Variants in NPHP1 observed in about 807,000 individuals in gnomAD.
The protein encoded by NPHP1 is nephrocystin-1.
A neutral mutation model predicts 90.4 loss-of-function variants in NPHP1; 70 were observed. The ratio of observed to expected loss-of-function variants is 0.77; its 90% CI spans 0.64 to 0.95. The LOEUF is 0.95. Among genes scored for constraint, NPHP1 ranks in the 40% least tolerant of loss-of-function variants. The pLI is 0.00. For synonymous variants in NPHP1, 256 were observed against 271.7 expected (o/e 0.94, Z 0.57); for missense variants, 764 against 795.9 (o/e 0.96, Z 0.48).
chr2:110,161,451 C>A, intron 10 of NPHP1, 152 bp downstream of exon 10: 1 of 583,650 alleles, frequency 1.7e-6, no homozygotes. Context: ...CAAATTCTGC[C>A]TTAGTTATAA....
chr2:110,194,981 G>T (rs1685050448), intron 2 of NPHP1, among the ~76,000 whole-genome samples: 1 of 152,166 alleles, frequency 6.6e-6, no homozygotes, highest in African/African-American at 2.4e-5. Context: ...AAACTCTCAA[G>T]AAATTAGGTA....
chr2:110,161,522 CAATT>C (rs1365946595), intron 10 of NPHP1, 77 bp downstream of exon 10: 5 of 904,368 alleles, frequency 5.5e-6, no homozygotes, highest in Non-Finnish European at 7.1e-6. Flanking sequence ...ATTCATTAGT[CAATT>C]AACATGTTGT....
intron 11 of NPHP1, among the ~76,000 whole-genome samples, chr2:110,154,481 CAGA>C (rs1388250597): frequency 6.6e-6 from 1 of 152,064 alleles, no homozygotes; most frequent in African/African-American, 2.4e-5. Flanking sequence ...TTGGAGGGCT[CAGA>C]AGAAGATAGG....
chr2:110,163,615 T>A (rs1402467208), intron 8 of NPHP1: 5 of 163,090 alleles, frequency 3.1e-5, no homozygotes, highest in African/African-American at 1.2e-4. Flanking sequence ...TTGTTAATGG[T>A]GATTACTTAT....
chr2:110,141,252 T>C (rs1024761012), intron 16 of NPHP1, among the ~76,000 whole-genome samples: 1 of 152,216 alleles, frequency 6.6e-6, no homozygotes, highest in African/African-American at 2.4e-5. Flanking sequence ...TTTATCTATA[T>C]ATAAGATAAT....
chr2:110,133,926 A>T (rs1186426121), intron 16 of NPHP1, among the ~76,000 whole-genome samples: 1 of 152,074 alleles, frequency 6.6e-6, no homozygotes, highest in Non-Finnish European at 1.5e-5. Context: ...ATTAAAAAAG[A>T]AGGAAGAGCT....
At chr2:110,169,294 T>C (rs1180477728) in intron 5 of NPHP1, among the ~76,000 whole-genome samples, 4 of 152,150 alleles carry the variant, frequency 2.6e-5, no homozygotes, top group Non-Finnish European at 4.4e-5. Context: ...AATTCATATA[T>C]TCACTTAAAT....
chr2:110,201,584 A>G lies in NPHP1; in HGVS notation c.70-90T>C. On this transcript the variant is annotated intron_variant, in intron 1 of 19. Transcript: ENST00000445609. ...TTTTTTATCCAATATTTTATAATGA[A>G]CACTTTTAAACATACAACAAAGTTT... The G allele has an allele frequency of 3.4e-6, 3 of 873,656 alleles. No individual in the cohort carries two copies. The South Asian group carries it at 4.6e-5, about 13-fold the overall frequency. 54.1% of individuals were successfully genotyped at this position (873,656 alleles called of 1,614,324 possible).
intron 6 of NPHP1, among the ~76,000 whole-genome samples, chr2:110,167,024 T>C (rs375361881): frequency 6.6e-6 from 1 of 152,178 alleles, no homozygotes. Context: ...AATATTGATA[T>C]GTCAAAATAG....
chr2:110,160,236 C>T lies in NPHP1; in HGVS notation c.974G>A (p.Arg325His), dbSNP rs779098996. The T allele has an allele frequency of 1.1e-5, 17 of 1,610,540 alleles. No homozygotes were observed. Among genetic ancestry groups the T allele is most frequent in the East Asian group, 8.9e-5 (4 of 44,782 alleles). The change falls in exon 11 of 20, where the codon CGT becomes CAT. Residue 325 changes from arginine (R) to histidine (H), a missense_variant. Coordinates refer to ENST00000445609, the MANE Select transcript of NPHP1 (RefSeq NM_001128178.3). ...CCATAATGTCAGAATCAATGAAATA[C>T]GACTTGGTCTCGACCTAATCTGAAA... ...TEGTIRSRPS[R>H]ISLILTLWSC...
Position 110,123,867 on chromosome 2 carries a change from T to C in NPHP1, c.1958A>G (p.Asp653Gly), listed in dbSNP as rs1679153024. The C allele has an allele frequency of 6.2e-7, 1 of 1,613,976 alleles. No individual in the cohort carries two copies. The highest frequency in any genetic ancestry group is 1.3e-5 in the African/African-American group (1 of 74,922). The change falls in exon 20 of 20, where the codon GAC becomes GGC. Residue 653 changes from aspartate (D) to glycine (G), a missense_variant. By Grantham distance (94) the Asp-to-Gly change is moderately conservative. Transcript: ENST00000445609. ...QGALQALLSP[D>G]GVHEPFDLSE... ...AAGGTCAAAAGGTTCATGAACTCCG[T>C]CTGGTGACAGCAGAGCTTGGAGGGC... is the stretch of plus-strand genomic sequence containing the variant.
At chr2:110,125,225 T>A in intron 19 of NPHP1, 1 of 1,535,336 alleles carries the variant, frequency 6.5e-7, no homozygotes, top group Non-Finnish European at 8.7e-7. Context: ...TTACCATGAT[T>A]TTATAGCAAG....
chr2:110,150,190 A>C lies in NPHP1; in HGVS notation c.1150T>G (p.Ser384Ala). Reference protein sequence around the residue: ...QPKKPKTWTFSPQVTRILPCL... With the variant: ...QPKKPKTWTFAPQVTRILPCL... ...TTCAGCAGATTACTTACCTGGGGAG[A>C]AAAGGTCCATGTTTTGGGCTTTTTA... Residue 384 changes from serine (S) to alanine (A), a missense_variant, in exon 12 of 20, where the codon TCT becomes GCT. Physicochemically the swap from Ser to Ala is moderately conservative, Grantham distance 99. Coordinates refer to ENST00000445609, the MANE Select transcript of NPHP1 (RefSeq NM_001128178.3). The C allele has an allele frequency of 6.2e-7, 1 of 1,613,016 alleles. No homozygotes were observed. The highest frequency in any genetic ancestry group is 1.1e-5 in the South Asian group (1 of 91,062).
chr2:110,164,507 T>C, intron 8 of NPHP1, 181 bp downstream of exon 8: 1 of 1,206,288 alleles, frequency 8.3e-7, no homozygotes, highest in East Asian at 2.3e-5. Flanking sequence ...AAAAAACTAA[T>C]GAGAAATGTT....
Position 110,178,697 on chromosome 2 carries a change from A to C in NPHP1, c.205-150T>G, listed in dbSNP as rs930840677. The C allele has an allele frequency of 2.1e-5, 14 of 662,318 alleles. No individual in the cohort carries two copies. The East Asian group carries it at 3.9e-4, about 18-fold the overall frequency. 41.0% of individuals were successfully genotyped at this position (662,318 alleles called of 1,614,324 possible). A position where few individuals can be genotyped will look rare whatever the true frequency, so the allele number is the denominator to read the frequency against. The stretch of plus-strand genomic sequence containing the variant: ...TCTTAGGGAAATAAATTAGATTTAA[A>C]AGAAACAGGCAATTGTGTTGGAATG... On this transcript the variant is annotated intron_variant, in intron 3 of 19. Transcript: ENST00000445609.
At chr2:110,168,909 GAA>G (rs1682910966) in intron 5 of NPHP1, among the ~76,000 whole-genome samples, 1 of 151,868 alleles carries the variant, frequency 6.6e-6, no homozygotes, top group Non-Finnish European at 1.5e-5. Flanking sequence ...AATATCTCTG[GAA>G]AAGTGTCTTT....
At position 110,178,498 on chromosome 2, in the gene NPHP1, T is replaced by A. The variant is rs1400990257; in HGVS notation, c.254A>T (p.Glu85Val). 6.2e-7 allele frequency: 1 copy of A among 1,613,770 alleles called. No homozygotes were observed. Among genetic ancestry groups the A allele is most frequent in the Non-Finnish European group, 8.5e-7 (1 of 1,179,726 alleles). ...GGTAAGCTTGTCCAAAAGAGTATGC[T>A]CCTCTTCTTTTCTCTGATTATAGTT... ...VANYNQRKEE[E>V]HTLLDKLTQQ... Residue 85 changes from glutamate (E) to valine (V), a missense_variant, in exon 4 of 20, where the codon GAG becomes GTG. Glu to Val is a moderately radical substitution (Grantham distance 121). Coordinates refer to ENST00000445609, the MANE Select transcript of NPHP1 (RefSeq NM_001128178.3).
At chr2:110,167,951 A>C (rs1559079294) in intron 6 of NPHP1, among the ~76,000 whole-genome samples, 2 of 152,210 alleles carry the variant, frequency 1.3e-5, no homozygotes, top group Non-Finnish European at 1.5e-5. Flanking sequence ...GTGGCTACTG[A>C]AAAATTTAAA....
chr2:110,157,741 G>GT (rs1682017330), intron 11 of NPHP1, among the ~76,000 whole-genome samples: 1 of 151,998 alleles, frequency 6.6e-6, no homozygotes. Context: ...ACCTCTCTAA[G>GT]TTATCATCAC....
Sources: gnomAD v4.1 joint callset for allele counts (sites outside exome capture counted in the v4.1 genomes callset) on GRCh38, gnomAD v4.1.1 for gene constraint, MANE v1.5 for transcripts, NCBI Gene and HGNC (gene_info 2026-07-23, HGNC 2026-07-21) for gene names.